GPR180: variants seen among roughly 807,000 people sequenced by gnomAD.
The protein encoded by GPR180 is integral membrane protein GPR180.
In GPR180, 53 loss-of-function variants were observed where a neutral mutation model predicts 52.6. That is an observed-to-expected ratio of 1.01 (90% confidence interval 0.81 to 1.27). The LOEUF is 1.27. GPR180 is among the 50% of genes most tolerant of loss of function. GPR180 has a pLI of 0.00. For synonymous variants in GPR180, 200 were observed against 193.1 expected (o/e 1.04, Z -0.30); for missense variants, 533 against 527.0 (o/e 1.01, Z -0.11).
At chr13:94,618,381 T>C (rs1421806050) in intron 3 of GPR180, among the ~76,000 whole-genome samples, 3 of 150,034 alleles carry the variant, frequency 2.0e-5, no homozygotes, top group African/African-American at 7.5e-5. Context: ...TAGACAATTT[T>C]CAGCCAATCC....
intron 5 of GPR180, 53 bp downstream of exon 5, chr13:94,619,570 T>A: frequency 7.2e-7 from 1 of 1,391,814 alleles, no homozygotes; most frequent in Non-Finnish European, 1.0e-6. Context: ...GCTATCTGCT[T>A]TTTTTTTATT....
At chr13:94,626,137 A>G in intron 8 of GPR180, 94 bp downstream of exon 8, 1 of 778,084 alleles carries the variant, frequency 1.3e-6, no homozygotes, top group Non-Finnish European at 2.0e-6. Context: ...TTATTTTTTA[A>G]GACATTTTCT....
intron 1 of GPR180, among the ~76,000 whole-genome samples, chr13:94,602,839 G>T (rs150189503): frequency 6.6e-6 from 1 of 152,218 alleles, no homozygotes; most frequent in Non-Finnish European, 1.5e-5. Context: ...CACAATTTAA[G>T]TGTTTTTCTT....
At position 94,605,324 on chromosome 13, in the gene GPR180, G is replaced by C. The variant is rs1889614937; in HGVS notation, c.146-67G>C. On this transcript the variant is annotated intron_variant, in intron 1 of 8. Coordinates refer to ENST00000376958, the MANE Select transcript of GPR180 (RefSeq NM_180989.6). ...TTCCATTTTGGTAAGTAGAGGTGTTGAGTTGTCCTCATGTCTCAGTTTCAT... is the reference window on the plus strand; with the variant it reads ...TTCCATTTTGGTAAGTAGAGGTGTTCAGTTGTCCTCATGTCTCAGTTTCAT... 3.4e-6 allele frequency: 5 copies of C among 1,463,158 alleles called. No homozygotes were observed. The South Asian group carries it at 5.8e-5, about 17-fold the overall frequency. 90.6% of individuals were successfully genotyped at this position (1,463,158 alleles called of 1,614,324 possible).
chr13:94,609,662 A>T (rs571539266), intron 2 of GPR180, among the ~76,000 whole-genome samples: 3 of 152,164 alleles, frequency 2.0e-5, no homozygotes, highest in African/African-American at 7.2e-5. Context: ...TGAATCATTT[A>T]TTGATCATAT....
intron 2 of GPR180, among the ~76,000 whole-genome samples, chr13:94,609,662 A>G (rs571539266): frequency 6.6e-6 from 1 of 152,282 alleles, no homozygotes; most frequent in Non-Finnish European, 1.5e-5. Flanking sequence ...TGAATCATTT[A>G]TTGATCATAT....
chr13:94,605,645 C>A, intron 2 of GPR180, 96 bp downstream of exon 2: 1 of 972,342 alleles, frequency 1.0e-6, no homozygotes, highest in Non-Finnish European at 1.5e-6. Context: ...TGTTTCCTGA[C>A]AGCATAATCC....
chr13:94,612,852 C>T (rs1889728149), intron 3 of GPR180, among the ~76,000 whole-genome samples: 1 of 149,816 alleles, frequency 6.7e-6, no homozygotes, highest in South Asian at 2.1e-4. Context: ...AACTCAGCTA[C>T]TTTGTATGGG....
At position 94,629,283 on chromosome 13, in the gene GPR180, ACTTTT is replaced by A. The variant is rs1032509612; in HGVS notation, c.*2117_*2121del. 7 of 152,236 alleles carry A rather than the reference ACTTTT, an allele frequency of 4.6e-5. No homozygotes were observed. Among genetic ancestry groups the A allele is most frequent in the East Asian group, 1.9e-4 (1 of 5,186 alleles). The allele number at this position is 152,236 out of a possible 1,614,324, so 9.4% of individuals were successfully genotyped here. ...CTAATTAAAGATAAAAATCTTTTCT[ACTTTT>A]CTTTGTCAGATAATGCTTTTTTATG... On this transcript the variant is annotated 3_prime_UTR_variant, in exon 9 of 9. Coordinates refer to ENST00000376958, the MANE Select transcript of GPR180 (RefSeq NM_180989.6).
At position 94,626,044 on chromosome 13, in the gene GPR180, G is replaced by T; in HGVS notation, c.1164+1G>T. 6.9e-6 allele frequency: 11 copies of T among 1,600,152 alleles called. No individual in the cohort carries two copies. Among genetic ancestry groups the T allele is most frequent in the Non-Finnish European group, 8.6e-6 (10 of 1,168,284 alleles). Reference sequence around the variant, plus strand: ...TTTTAGCGACTACCAAAGAGACAAGGTAAGAAATATACATGATCAAAGTAG... The same window carrying T: ...TTTTAGCGACTACCAAAGAGACAAGTTAAGAAATATACATGATCAAAGTAG... On this transcript the variant is annotated splice_donor_variant, in intron 8 of 8. Coordinates refer to ENST00000376958, the MANE Select transcript of GPR180 (RefSeq NM_180989.6). LOFTEE classifies it high-confidence loss of function.
rs778553402 is a variant in GPR180 at position 94,627,988 on chromosome 13, T to TA, written c.*818dup. 1.3e-5 allele frequency: 2 copies of TA among 152,516 alleles called. No individual in the cohort carries two copies. The highest frequency in any genetic ancestry group is 2.9e-5 in the Non-Finnish European group (2 of 67,908). 9.4% of individuals were successfully genotyped at this position (152,516 alleles called of 1,614,324 possible). On this transcript the variant is annotated 3_prime_UTR_variant, in exon 9 of 9. Coordinates refer to ENST00000376958, the MANE Select transcript of GPR180 (RefSeq NM_180989.6). Reference sequence around the variant, plus strand: ...TGATCCCAATAGAATTCATTTCTCTTACGTTGAATCCCCAATCATAATTAA... The same window carrying TA: ...TGATCCCAATAGAATTCATTTCTCTTAACGTTGAATCCCCAATCATAATTAA...
chr13:94,627,052 A>G lies in GPR180; in HGVS notation c.1204A>G (p.Met402Val), dbSNP rs1362764830. Residue 402 changes from methionine (M) to valine (V), a missense_variant, in exon 9 of 9, where the codon ATG becomes GTG. Met to Val is a conservative substitution (Grantham distance 21). Coordinates refer to ENST00000376958, the MANE Select transcript of GPR180 (RefSeq NM_180989.6). ...IGVILCQSVS[M>V]VILYRLFLSH... ...TGTTATCCTTTGCCAGTCTGTTTCC[A>G]TGGTTATTCTCTACAGACTCTTTCT... 1.9e-6 allele frequency: 3 copies of G among 1,610,926 alleles called. No individual in the cohort carries two copies. Among genetic ancestry groups the G allele is most frequent in the African/African-American group, 2.7e-5 (2 of 74,692 alleles).
At chr13:94,613,765 T>C (rs1889742106) in intron 3 of GPR180, among the ~76,000 whole-genome samples, 1 of 152,226 alleles carries the variant, frequency 6.6e-6, no homozygotes, top group African/African-American at 2.4e-5. Context: ...CTTAATCTTT[T>C]TAAAGATGCC....
chr13:94,626,221 ATATT>A (rs1889926827), intron 8 of GPR180, among the ~76,000 whole-genome samples, 178 bp downstream of exon 8: 1 of 152,194 alleles, frequency 6.6e-6, no homozygotes, highest in South Asian at 2.1e-4. Flanking sequence ...TATTTTTAAA[ATATT>A]TATAAGCAAA....
At position 94,602,013 on chromosome 13, in the gene GPR180, T is replaced by G; in HGVS notation, c.86T>G (p.Phe29Cys). ...GSQGKTLRGS[F>C]SSTAAQDAQG... is the part of the protein sequence containing the mutation. The stretch of plus-strand genomic sequence containing the variant: ...CAGGGTAAGACCCTGCGGGGCAGCT[T>G]CAGCAGCACCGCGGCCCAGGACGCC... The change falls in exon 1 of 9, where the codon TTC (phenylalanine) becomes TGC (cysteine). Residue 29 changes from phenylalanine (F) to cysteine (C), a missense_variant. Transcript: ENST00000376958. 6.8e-7 allele frequency: 1 copy of G among 1,470,128 alleles called. No individual in the cohort carries two copies. Among genetic ancestry groups the G allele is most frequent in the Non-Finnish European group, 9.0e-7 (1 of 1,111,768 alleles). The allele number at this position is 1,470,128 out of a possible 1,614,324, so 91.1% of individuals were successfully genotyped here.
At position 94,626,310 on chromosome 13, in the gene GPR180, G is replaced by T. The variant is rs74104284; in HGVS notation, c.1164+267G>T. Reference sequence around the variant, plus strand: ...TAGAAATTTTGTTTTATAAATTAGAGAATTTATAATACATCTTTTAAAAAA... The same window carrying T: ...TAGAAATTTTGTTTTATAAATTAGATAATTTATAATACATCTTTTAAAAAA... On this transcript the variant is annotated intron_variant, in intron 8 of 8. Coordinates refer to ENST00000376958, the MANE Select transcript of GPR180 (RefSeq NM_180989.6). 1.3e-3 allele frequency among the ~76,000 whole-genome samples: 195 copies of T among 152,076 alleles called. 2 individuals are homozygous for T. The highest frequency in any genetic ancestry group is 4.6e-3 in the African/African-American group (192 of 41,496).
rs370718936 is a variant in GPR180, at chr13:94,624,664, TCTC to T, written c.1087-1299_1087-1297del. Among the ~76,000 whole-genome samples the T allele has an allele frequency of 9.1e-3, 1,378 of 152,244 alleles. 31 individuals are homozygous for T. Among genetic ancestry groups the T allele is most frequent in the African/African-American group, 0.032 (1,333 of 41,536 alleles). On this transcript the variant is annotated intron_variant, in intron 7 of 8. Coordinates refer to ENST00000376958, the MANE Select transcript of GPR180 (RefSeq NM_180989.6). ...GCTCCGCCTTCCGGGTTCATGCCAT[TCTC>T]CTGCCTCAGCCTCCCGAGTAACTCG... is the stretch of plus-strand genomic sequence containing the variant.
intron 3 of GPR180, among the ~76,000 whole-genome samples, chr13:94,614,523 A>G (rs1050866596): frequency 6.6e-6 from 1 of 152,170 alleles, no homozygotes; most frequent in African/African-American, 2.4e-5. Flanking sequence ...GCCCTGTGCC[A>G]TGCTTGGACC....
chr13:94,625,065 C>G (rs1350080825), intron 7 of GPR180, among the ~76,000 whole-genome samples: 2 of 151,200 alleles, frequency 1.3e-5, no homozygotes, highest in East Asian at 2.0e-4. Context: ...CCGCCCGCCT[C>G]GGCCTCCCAA....
Sources: allele counts gnomAD v4.1 joint callset (sites outside exome capture counted in the v4.1 genomes callset), GRCh38; gene constraint gnomAD v4.1.1; transcripts MANE v1.5; gene names NCBI Gene and HGNC (gene_info 2026-07-23, HGNC 2026-07-21).